The following CHRM5 variants were observed in gnomAD, a reference collection of about 807,000 sequenced individuals.
CHRM5 encodes the protein muscarinic acetylcholine receptor M5.
In CHRM5, 18 loss-of-function variants were observed where a neutral mutation model predicts 39.0. The ratio of observed to expected loss-of-function variants is 0.46; its 90% confidence interval spans 0.32 to 0.68. The LOEUF is 0.68. CHRM5 is among the 30% of genes least tolerant of loss of function. CHRM5 has a pLI of 0.04. For missense variants in CHRM5, 515 were observed against 651.1 expected (o/e 0.79, Z 2.28); for synonymous variants, 241 against 246.3 (o/e 0.98, Z 0.20).
chr15:34,066,098 G>A lies in CHRM5; in HGVS notation c.*1782G>A, dbSNP rs1251745020. On this transcript the variant is annotated 3_prime_UTR_variant, in exon 3 of 3. Transcript: ENST00000383263. ...GACTGGTCCCTTATAAAGACTTCAC[G>A]TTGACATGAAACATCTTGTAAGCAG... is the stretch of plus-strand genomic sequence containing the variant. The A allele has an allele frequency of 1.3e-5, 2 of 152,244 alleles. No homozygotes were observed. Among genetic ancestry groups the A allele is most frequent in the East Asian group, 1.9e-4 (1 of 5,194 alleles). The allele number at this position is 152,244 out of a possible 1,614,324, so 9.4% of individuals were successfully genotyped here.
chr15:33,978,724 C>T (rs1454344722), intron 1 of CHRM5, among the ~76,000 whole-genome samples: 1 of 151,634 alleles, frequency 6.6e-6, no homozygotes, highest in East Asian at 1.9e-4. Context: ...CAAATTCGTC[C>T]CCAGGCATTT....
rs1038111633 is a variant in CHRM5 at position 34,046,886 on chromosome 15, G to T, written c.-76+15G>T. 1 of 152,292 alleles carries T rather than the reference G, an allele frequency of 6.6e-6. No individual in the cohort carries two copies. Among genetic ancestry groups the T allele is most frequent in the South Asian group, 2.1e-4 (1 of 4,830 alleles). The allele number at this position is 152,292 out of a possible 1,614,324, so 9.4% of individuals were successfully genotyped here. ...CAAGGGAAGCGGTGAGTGATTGTGC[G>T]ACCCCACCGGGGAAACCACATTTCT... On this transcript the variant is annotated intron_variant, in intron 2 of 2. Coordinates refer to ENST00000383263, the MANE Select transcript of CHRM5 (RefSeq NM_012125.4).
chr15:34,000,794 A>C (rs568751750), intron 1 of CHRM5, among the ~76,000 whole-genome samples: 66 of 152,192 alleles, frequency 4.3e-4, no homozygotes, highest in Non-Finnish European at 8.8e-4. Context: ...CAGAGTGGGA[A>C]AGAAATGTAA....
intron 1 of CHRM5, among the ~76,000 whole-genome samples, chr15:34,037,464 T>C (rs943260929): frequency 6.6e-6 from 1 of 150,554 alleles, no homozygotes; most frequent in Admixed American, 6.6e-5. Context: ...GATTACTCTC[T>C]ATATATGGAT....
chr15:34,001,999 C>T (rs1043264548), intron 1 of CHRM5, among the ~76,000 whole-genome samples: 3 of 152,082 alleles, frequency 2.0e-5, no homozygotes, highest in African/African-American at 4.8e-5. Flanking sequence ...AATTATTTAG[C>T]GACGTAATTG....
intron 1 of CHRM5, among the ~76,000 whole-genome samples, chr15:34,010,338 TAAAAG>T (rs971959158): frequency 1.3e-5 from 2 of 152,062 alleles, no homozygotes; most frequent in Non-Finnish European, 2.9e-5. Flanking sequence ...AATAAATAAA[TAAAAG>T]AAGTTGCCAA....
chr15:34,055,360 C>CT (rs1329156427), intron 2 of CHRM5, among the ~76,000 whole-genome samples: 1 of 151,790 alleles, frequency 6.6e-6, no homozygotes, highest in Non-Finnish European at 1.5e-5. Context: ...TTATAATTAT[C>CT]TGTGTGTGGT....
At chr15:34,017,749 G>A (rs1898004549) in intron 1 of CHRM5, among the ~76,000 whole-genome samples, 1 of 151,990 alleles carries the variant, frequency 6.6e-6, no homozygotes, top group South Asian at 2.1e-4. Flanking sequence ...CAAAGTGCTG[G>A]GATTACAGGA....
intron 1 of CHRM5, among the ~76,000 whole-genome samples, chr15:33,989,253 C>T (rs1360951051): frequency 6.6e-6 from 1 of 151,960 alleles, no homozygotes; most frequent in Non-Finnish European, 1.5e-5. Context: ...CATGACAGCC[C>T]CGTGTTAATG....
chr15:34,036,712 G>C (rs1319857121), intron 1 of CHRM5, among the ~76,000 whole-genome samples: 1 of 152,200 alleles, frequency 6.6e-6, no homozygotes, highest in Non-Finnish European at 1.5e-5. Flanking sequence ...GAAGGGATAA[G>C]ACCAACTCGA....
chr15:34,045,530 T>C (rs1396861971), intron 1 of CHRM5, among the ~76,000 whole-genome samples: 1 of 152,210 alleles, frequency 6.6e-6, no homozygotes, highest in African/African-American at 2.4e-5. Context: ...TCTTGATTTG[T>C]CCTTGAAAAG....
chr15:34,053,175 C>T (rs1034408060), intron 2 of CHRM5, among the ~76,000 whole-genome samples: 25 of 150,928 alleles, frequency 1.7e-4, no homozygotes, highest in Non-Finnish European at 3.2e-4. Flanking sequence ...TGGTGGGTGC[C>T]TACAGTCCCA....
chr15:34,063,717 G>T lies in CHRM5; in HGVS notation c.1000G>T (p.Gly334Trp), dbSNP rs1195882263. 56 of 1,614,226 alleles carry T rather than the reference G, an allele frequency of 3.5e-5. No individual in the cohort carries two copies. The highest frequency in any genetic ancestry group is 4.7e-5 in the Non-Finnish European group (55 of 1,180,052). ...VYKSQGKESPGEEFSAEETEE... is the reference protein window; with the variant it reads ...VYKSQGKESPWEEFSAEETEE... Reference sequence around the variant, plus strand: ...CAAGAGTCAGGGTAAGGAAAGCCCAGGGGAAGAATTCAGTGCTGAAGAGAC... The same window carrying T: ...CAAGAGTCAGGGTAAGGAAAGCCCATGGGAAGAATTCAGTGCTGAAGAGAC... Residue 334 changes from glycine (G) to tryptophan (W), a missense_variant, in exon 3 of 3, where the codon GGG (glycine) becomes TGG (tryptophan). Gly to Trp is a radical substitution (Grantham distance 184, BLOSUM62 -2). Coordinates refer to ENST00000383263, the MANE Select transcript of CHRM5 (RefSeq NM_012125.4). This position sits in a 1 kb window ranked among gnomAD's most constrained non-coding sequence, Gnocchi z 4.1.
At chr15:34,047,317 T>A (rs955657352) in intron 2 of CHRM5, among the ~76,000 whole-genome samples, 1 of 152,138 alleles carries the variant, frequency 6.6e-6, no homozygotes, top group African/African-American at 2.4e-5. Flanking sequence ...GACCTGATGA[T>A]CCGCCCGTGT....
At chr15:34,033,176 T>G (rs528068831) in intron 1 of CHRM5, among the ~76,000 whole-genome samples, 17 of 152,230 alleles carry the variant, frequency 1.1e-4, no homozygotes, top group African/African-American at 4.1e-4. Context: ...CTAGGGAAAA[T>G]GAGACTCATT....
At chr15:34,058,009 A>G (rs1900216540) in intron 2 of CHRM5, among the ~76,000 whole-genome samples, 1 of 152,286 alleles carries the variant, frequency 6.6e-6, no homozygotes, top group South Asian at 2.1e-4. Flanking sequence ...GGGCTAGCAA[A>G]TCTGAAATCT....
chr15:33,997,737 A>T (rs984468304), intron 1 of CHRM5, among the ~76,000 whole-genome samples: 2 of 152,046 alleles, frequency 1.3e-5, no homozygotes, highest in African/African-American at 4.8e-5. Context: ...CATTTCAATC[A>T]TTCTAATCAT....
Position 34,014,384 on chromosome 15 carries a change from ACAAAAAC to A in CHRM5, c.-407-32155_-407-32149del, listed in dbSNP as rs1220237609. Among the ~76,000 whole-genome samples, 1,039 of 109,302 alleles carry A rather than the reference ACAAAAAC, an allele frequency of 9.5e-3. 84 individuals are homozygous for A. Among genetic ancestry groups the A allele is most frequent in the African/African-American group, 0.013 (331 of 26,316 alleles). 71.7% of individuals were successfully genotyped at this position (109,302 alleles called of 152,430 possible). A position where few individuals can be genotyped will look rare whatever the true frequency, so the allele number is the denominator to read the frequency against. ...CATCTCATTAAAAAAAAAAAAAAAAACAAAAACAAAAACCACGTTTGAGGATTCTGGG... is the reference window on the plus strand; with the variant it reads ...CATCTCATTAAAAAAAAAAAAAAAAAAAAAACCACGTTTGAGGATTCTGGG... On this transcript the variant is annotated intron_variant, in intron 1 of 2. Transcript: ENST00000383263.
At chr15:33,984,816 G>A (rs1896351775) in intron 1 of CHRM5, among the ~76,000 whole-genome samples, 1 of 152,124 alleles carries the variant, frequency 6.6e-6, no homozygotes, top group South Asian at 2.1e-4. Context: ...GACCTTTGAT[G>A]CAGTAAATCA....
Sources: allele counts gnomAD v4.1 joint callset (sites outside exome capture counted in the v4.1 genomes callset), GRCh38; gene constraint gnomAD v4.1.1; non-coding constraint Gnocchi (gnomAD v3.1); transcripts MANE v1.5; gene names NCBI Gene and HGNC (gene_info 2026-07-23, HGNC 2026-07-21).